Variants in LRMDA observed in about 807,000 individuals in gnomAD.
LRMDA encodes leucine rich melanocyte differentiation associated.
Under a neutral mutation model 29.8 loss-of-function variants are expected in LRMDA, and 18 were observed. The ratio of observed to expected loss-of-function variants is 0.60; its 90% CI spans 0.42 to 0.90. LRMDA has a LOEUF of 0.90. Among genes scored for constraint, LRMDA ranks in the 40% least tolerant of loss-of-function variants. The pLI is 0.00. For missense variants in LRMDA, 273 were observed against 273.9 expected (o/e 1.00, Z 0.02); for synonymous variants, 125 against 109.4 (o/e 1.14, Z -0.89).
chr10:76,220,314 T>G (rs1851806758), intron 5 of LRMDA, among the ~76,000 whole-genome samples: 1 of 152,020 alleles, frequency 6.6e-6, no homozygotes, highest in African/African-American at 2.4e-5. Context: ...CTTCAAAAAA[T>G]TAATGAATCC....
chr10:76,266,751 A>C (rs1431048975), intron 5 of LRMDA, among the ~76,000 whole-genome samples: 6 of 152,338 alleles, frequency 3.9e-5, no homozygotes, highest in Admixed American at 3.9e-4. Flanking sequence ...TTTATTACAA[A>C]GTGGCATTTT....
At chr10:76,381,978 T>C (rs1324661120) in intron 6 of LRMDA, among the ~76,000 whole-genome samples, 2 of 152,192 alleles carry the variant, frequency 1.3e-5, no homozygotes, top group African/African-American at 4.8e-5. Context: ...GACATGGAAG[T>C]AGGCAAATAA....
intron 5 of LRMDA, among the ~76,000 whole-genome samples, chr10:76,123,402 G>T (rs1849824516): frequency 6.6e-6 from 1 of 151,812 alleles, no homozygotes; most frequent in Non-Finnish European, 1.5e-5. Flanking sequence ...CCAGCTACTT[G>T]GGAGACTAAG....
chr10:75,878,302 G>A (rs141314329), intron 2 of LRMDA, among the ~76,000 whole-genome samples: 7 of 145,374 alleles, frequency 4.8e-5, no homozygotes, highest in African/African-American at 1.6e-4. Context: ...AGTAGCTCTC[G>A]GTGAGGTGGA....
At chr10:75,908,957 C>T (rs1481441557) in intron 2 of LRMDA, among the ~76,000 whole-genome samples, 1 of 151,994 alleles carries the variant, frequency 6.6e-6, no homozygotes, top group Non-Finnish European at 1.5e-5. Context: ...TGTTTAAAGT[C>T]CCTAAAATTT....
chr10:76,521,039 C>T (rs992610937), intron 6 of LRMDA, among the ~76,000 whole-genome samples: 22 of 152,072 alleles, frequency 1.4e-4, no homozygotes, highest in African/African-American at 4.3e-4. Context: ...CATATGAATA[C>T]ATAGTTGTAA....
chr10:75,797,624 T>TA, intron 2 of LRMDA, among the ~76,000 whole-genome samples: 2 of 152,302 alleles, frequency 1.3e-5, no homozygotes, highest in Admixed American at 1.3e-4. Flanking sequence ...AGACATTCCA[T>TA]ACAAATGAAA....
At chr10:75,796,198 C>T (rs1843649669) in intron 2 of LRMDA, among the ~76,000 whole-genome samples, 2 of 151,884 alleles carry the variant, frequency 1.3e-5, no homozygotes, top group South Asian at 4.2e-4. Flanking sequence ...GTCTTATTGC[C>T]CTGGCCAGAG....
intron 4 of LRMDA, 28 bp downstream of exon 4, chr10:76,047,331 G>A: frequency 6.3e-7 from 1 of 1,575,420 alleles, no homozygotes; most frequent in Non-Finnish European, 8.6e-7. Flanking sequence ...GGACCATGGT[G>A]GGAAAAGGGA....
intron 2 of LRMDA, among the ~76,000 whole-genome samples, chr10:75,643,603 T>C (rs542456045): frequency 6.6e-6 from 1 of 152,334 alleles, no homozygotes; most frequent in South Asian, 2.1e-4. Flanking sequence ...TGCTGTGAGA[T>C]GTGTGATACC....
intron 5 of LRMDA, among the ~76,000 whole-genome samples, chr10:76,188,828 G>A (rs1166587523): frequency 6.6e-6 from 1 of 152,060 alleles, no homozygotes; most frequent in African/African-American, 2.4e-5. Flanking sequence ...ATAGAGAGGT[G>A]TTCAAACCCA....
At chr10:76,024,475 G>A (rs533373587) in intron 2 of LRMDA, among the ~76,000 whole-genome samples, 1 of 152,358 alleles carries the variant, frequency 6.6e-6, no homozygotes, top group African/African-American at 2.4e-5. Context: ...CCGGTAGCAA[G>A]CCACTTTTGG....
At chr10:75,637,038 AATT>A (rs1841398079) in intron 2 of LRMDA, among the ~76,000 whole-genome samples, 1 of 152,170 alleles carries the variant, frequency 6.6e-6, no homozygotes, top group Admixed American at 6.5e-5. Flanking sequence ...CACATGTAGG[AATT>A]ATTATGCCTA....
intron 2 of LRMDA, among the ~76,000 whole-genome samples, chr10:75,767,504 C>A (rs1168678197): frequency 6.6e-6 from 1 of 152,134 alleles, no homozygotes; most frequent in Non-Finnish European, 1.5e-5. Context: ...TGGAAGCTAA[C>A]CTTTCTGATT....
intron 6 of LRMDA, among the ~76,000 whole-genome samples, chr10:76,504,552 T>G (rs1263953234): frequency 6.6e-6 from 1 of 152,080 alleles, no homozygotes; most frequent in African/African-American, 2.4e-5. Context: ...TCAAAACCTT[T>G]CATTATGTAA....
At chr10:76,337,739 T>G (rs1176253777) in intron 6 of LRMDA, among the ~76,000 whole-genome samples, 1 of 152,142 alleles carries the variant, frequency 6.6e-6, no homozygotes, top group Non-Finnish European at 1.5e-5. Context: ...AGCACTAGAT[T>G]GCACGTGGTT....
chr10:76,333,993 A>G (rs1409849789), intron 6 of LRMDA, among the ~76,000 whole-genome samples: 2 of 151,952 alleles, frequency 1.3e-5, no homozygotes, highest in Non-Finnish European at 2.9e-5. Context: ...TCATGCATGA[A>G]CTCTAATCTG....
At chr10:76,133,623 A>G (rs1289585108) in intron 5 of LRMDA, among the ~76,000 whole-genome samples, 1 of 152,246 alleles carries the variant, frequency 6.6e-6, no homozygotes, top group African/African-American at 2.4e-5. Flanking sequence ...TGTTAAATAC[A>G]GATCAGCTGC....
chr10:76,494,998 A>T (rs1194330920), intron 6 of LRMDA, among the ~76,000 whole-genome samples: 4 of 151,980 alleles, frequency 2.6e-5, no homozygotes, highest in Admixed American at 6.6e-5. Context: ...GCAAATTTTT[A>T]AAAAAATTTT....
Sources: allele counts gnomAD v4.1 joint callset (sites outside exome capture counted in the v4.1 genomes callset), GRCh38; gene constraint gnomAD v4.1.1; transcripts MANE v1.5; gene names NCBI Gene and HGNC (gene_info 2026-07-23, HGNC 2026-07-21).